The following VAV3 variants were observed in gnomAD, a reference collection of about 807,000 sequenced individuals.
VAV3 encodes guanine nucleotide exchange factor VAV3.
In VAV3, 94 loss-of-function variants were observed where a neutral mutation model predicts 131.2. The observed-to-expected ratio is 0.72, with a 90% CI of 0.61 to 0.85. VAV3 has a LOEUF of 0.85. Ranked by LOEUF, VAV3 falls within the 40% of genes least tolerant of loss-of-function variation. The pLI is 0.00. For synonymous variants in VAV3, 349 were observed against 342.0 expected (o/e 1.02, Z -0.22); for missense variants, 939 against 1,002.7 (o/e 0.94, Z 0.86).
intron 19 of VAV3, chr1:107,669,567 G>C: frequency 8.4e-7 from 1 of 1,196,814 alleles, no homozygotes; most frequent in South Asian, 1.6e-5. Context: ...GTAGCTGATG[G>C]TTGTAAATAA....
chr1:107,592,964 C>A (rs183282238), intron 25 of VAV3, among the ~76,000 whole-genome samples: 13 of 152,186 alleles, frequency 8.5e-5, no homozygotes, highest in Non-Finnish European at 1.8e-4. Flanking sequence ...CATGGAGTCA[C>A]TGAAGTTTCT....
At position 107,704,965 on chromosome 1, in the gene VAV3, G is replaced by A. The variant is rs781650037; in HGVS notation, c.1599C>T (p.Leu533=). The A allele has an allele frequency of 1.5e-5, 24 of 1,613,492 alleles. No homozygotes were observed. The Admixed American group carries it at 2.3e-4, about 16-fold the overall frequency. The part of the protein sequence containing the change: ...RVTSCKVCQM[L]LRGTFYQGYL... ...CCAGGACTGAGCAGGCTTACCTCAG[G>A]AGCATCTGGCAGACTTTGCAGGATG... is the stretch of plus-strand genomic sequence containing the variant. Residue 533 remains leucine, a synonymous_variant, in exon 16 of 27, where the codon CTC becomes CTT. Coordinates refer to ENST00000370056, the MANE Select transcript of VAV3 (RefSeq NM_006113.5).
At chr1:107,656,528 G>A (rs1322293948) in intron 19 of VAV3, among the ~76,000 whole-genome samples, 1 of 152,094 alleles carries the variant, frequency 6.6e-6, no homozygotes, top group Non-Finnish European at 1.5e-5. Flanking sequence ...AAGAAGATCT[G>A]ATGTTCAATA....
intron 22 of VAV3, among the ~76,000 whole-genome samples, chr1:107,608,842 C>G (rs971943136): frequency 6.6e-6 from 1 of 152,038 alleles, no homozygotes; most frequent in Non-Finnish European, 1.5e-5. Context: ...CTATATATTC[C>G]CAGGATATTA....
At chr1:107,785,600 A>G (rs781516851) in intron 2 of VAV3, 86 of 1,159,578 alleles carry the variant, frequency 7.4e-5, no homozygotes, top group Non-Finnish European at 9.2e-5. Context: ...GGCTCAAGGC[A>G]CAGATGTTGC....
At chr1:107,873,605 G>A (rs569465722) in intron 2 of VAV3, among the ~76,000 whole-genome samples, 1 of 152,268 alleles carries the variant, frequency 6.6e-6, no homozygotes, top group Admixed American at 6.5e-5. Context: ...ACAGACAAAT[G>A]CGCTCCCATT....
chr1:107,764,380 T>C (rs1664617553), intron 9 of VAV3, among the ~76,000 whole-genome samples: 1 of 152,230 alleles, frequency 6.6e-6, no homozygotes, highest in Admixed American at 6.5e-5. Context: ...AGATTCAGTC[T>C]TACAGAGCCC....
At chr1:107,651,743 G>A (rs1047752065) in intron 19 of VAV3, among the ~76,000 whole-genome samples, 3 of 151,506 alleles carry the variant, frequency 2.0e-5, no homozygotes, top group African/African-American at 7.3e-5. Context: ...ATCTTATAAT[G>A]TTTGACCATC....
At position 107,571,943 on chromosome 1, in the gene VAV3, T is replaced by C. The variant is rs1237491083; in HGVS notation, c.*1388A>G. ...GATGATTCAAAATTTCAGAACTTAATGCTCCTGGTTCAGTTCTACTAAGTT... is the reference window on the plus strand; with the variant it reads ...GATGATTCAAAATTTCAGAACTTAACGCTCCTGGTTCAGTTCTACTAAGTT... On this transcript the variant is annotated 3_prime_UTR_variant, in exon 27 of 27. Coordinates refer to ENST00000370056, the MANE Select transcript of VAV3 (RefSeq NM_006113.5). 1 of 152,630 alleles carries C rather than the reference T, an allele frequency of 6.6e-6. No homozygotes were observed. Among genetic ancestry groups the C allele is most frequent in the Non-Finnish European group, 1.5e-5 (1 of 68,050 alleles). The allele number at this position is 152,630 out of a possible 1,614,324, so 9.5% of individuals were successfully genotyped here.
chr1:107,733,838 C>T (rs1339465548), intron 15 of VAV3, among the ~76,000 whole-genome samples: 3 of 152,230 alleles, frequency 2.0e-5, no homozygotes, highest in East Asian at 1.9e-4. Flanking sequence ...ACCAGGAGGA[C>T]GTCCCCAACC....
intron 2 of VAV3, among the ~76,000 whole-genome samples, chr1:107,853,644 T>C (rs1669333182): frequency 6.6e-6 from 1 of 151,926 alleles, no homozygotes; most frequent in Admixed American, 6.6e-5. Context: ...AAAGTTATTT[T>C]TGATGACAAA....
chr1:107,773,271 G>A (rs1386407002), intron 4 of VAV3, among the ~76,000 whole-genome samples: 1 of 152,172 alleles, frequency 6.6e-6, no homozygotes, highest in Non-Finnish European at 1.5e-5. Context: ...TTAACGCTGA[G>A]TGTTTTACCC....
chr1:107,912,868 A>C lies in VAV3; in HGVS notation c.205-37851T>G, dbSNP rs189923408. ...TCATCTCTGGTTGAACTGAAAGAAAAATCTCAGACACTTTTTCCACAACCA... is the reference window on the plus strand; with the variant it reads ...TCATCTCTGGTTGAACTGAAAGAAACATCTCAGACACTTTTTCCACAACCA... On this transcript the variant is annotated intron_variant, in intron 1 of 26. Coordinates refer to ENST00000370056, the MANE Select transcript of VAV3 (RefSeq NM_006113.5). 2.8e-4 allele frequency among the ~76,000 whole-genome samples: 42 copies of C among 152,282 alleles called. No homozygotes were observed. The East Asian group carries it at 5.6e-3, about 20-fold the overall frequency.
intron 19 of VAV3, among the ~76,000 whole-genome samples, chr1:107,659,280 A>G (rs111554726): frequency 0.052 from 7,763 of 149,958 alleles, 222 homozygotes; most frequent in Middle Eastern, 0.084. Context: ...CATCTTTCAG[A>G]AAAAAAAAAG....
At chr1:107,951,674 A>C (rs1438307942) in intron 1 of VAV3, among the ~76,000 whole-genome samples, 2 of 152,118 alleles carry the variant, frequency 1.3e-5, no homozygotes, top group African/African-American at 4.8e-5. Flanking sequence ...TGAGTAGACA[A>C]TTCTCAAAAG....
intron 1 of VAV3, among the ~76,000 whole-genome samples, chr1:107,951,965 G>C (rs60559311): frequency 0.028 from 4,280 of 152,158 alleles, 96 homozygotes; most frequent in East Asian, 0.1. Flanking sequence ...CAATCCCATT[G>C]CAGGATATAC....
At chr1:107,708,206 A>T (rs927330806) in intron 15 of VAV3, among the ~76,000 whole-genome samples, 1 of 152,170 alleles carries the variant, frequency 6.6e-6, no homozygotes, top group Non-Finnish European at 1.5e-5. Context: ...AAGAAAAAAA[A>T]AAGTTCTGCT....
At chr1:107,604,664 G>A (rs1365022484) in intron 22 of VAV3, among the ~76,000 whole-genome samples, 4 of 152,114 alleles carry the variant, frequency 2.6e-5, no homozygotes, top group Non-Finnish European at 5.9e-5. Context: ...TCTAAAGAAT[G>A]TTGTCCTGCA....
At chr1:107,710,289 G>A (rs1486730186) in intron 15 of VAV3, among the ~76,000 whole-genome samples, 1 of 152,092 alleles carries the variant, frequency 6.6e-6, no homozygotes, top group Non-Finnish European at 1.5e-5. Context: ...CAATTATGTA[G>A]TATACATAAA....
Sources: gnomAD v4.1 joint callset for allele counts (sites outside exome capture counted in the v4.1 genomes callset) on GRCh38, gnomAD v4.1.1 for gene constraint, MANE v1.5 for transcripts, NCBI Gene and HGNC (gene_info 2026-07-23, HGNC 2026-07-21) for gene names.